Variants in HFM1 observed in about 807,000 individuals in gnomAD.
The protein encoded by HFM1 is helicase for meiosis 1, also known as probable ATP-dependent DNA helicase HFM1.
HFM1 carries 169 observed loss-of-function variants against 192.1 expected under a neutral mutation model. That is an observed-to-expected ratio of 0.88 (90% confidence interval 0.78 to 1.00). The LOEUF is 1.00. Ranked by LOEUF, HFM1 falls within the 50% of genes least tolerant of loss-of-function variation. The probability of loss-of-function intolerance (pLI) is 0.00; values close to 1 mark genes in which losing one functional copy is unlikely to be tolerated. For synonymous variants in HFM1, 525 were observed against 537.8 expected (o/e 0.98, Z 0.33); for missense variants, 1,661 against 1,668.0 (o/e 1.00, Z 0.07).
chr1:91,340,911 T>A (rs1260562285), intron 20 of HFM1, among the ~76,000 whole-genome samples: 3 of 152,244 alleles, frequency 2.0e-5, no homozygotes, highest in Non-Finnish European at 2.9e-5. Context: ...TAAATATATA[T>A]GCATCTAATA....
chr1:91,353,411 T>A, intron 13 of HFM1, 112 bp from the exon 14 acceptor site: 1 of 573,108 alleles, frequency 1.7e-6, no homozygotes, highest in East Asian at 3.0e-5. Context: ...ACAATATCAT[T>A]ATCTGAAAAC....
At chr1:91,307,397 TC>T (rs375879531) in intron 30 of HFM1, among the ~76,000 whole-genome samples, 30 of 152,302 alleles carry the variant, frequency 2.0e-4, no homozygotes, top group African/African-American at 5.8e-4. Flanking sequence ...CCCCAGCATG[TC>T]CATGTTTTCA....
At chr1:91,404,714 C>T in intron 1 of HFM1, 84 bp downstream of exon 1, 1 of 402,100 alleles carries the variant, frequency 2.5e-6, no homozygotes, top group Admixed American at 2.8e-5. Context: ...GCTGCCCGGA[C>T]GGCTCGGCTG....
At position 91,377,993 on chromosome 1, in the gene HFM1, A is replaced by C. The variant is rs766827729; in HGVS notation, c.1395+32T>G. On this transcript the variant is annotated intron_variant, in intron 11 of 38. Coordinates refer to ENST00000370425, the MANE Select transcript of HFM1 (RefSeq NM_001017975.6). ...ACTAAATATTTCACAAGTCATAAAAAACCTAAGAGCTCAGTTAAAATTGTA... is the reference window on the plus strand; with the variant it reads ...ACTAAATATTTCACAAGTCATAAAACACCTAAGAGCTCAGTTAAAATTGTA... 4 of 1,587,934 alleles carry C rather than the reference A, an allele frequency of 2.5e-6. No individual in the cohort carries two copies. In the Admixed American group the frequency reaches 7.1e-5, roughly 28 times the overall value.
At chr1:91,274,369 G>A (rs368670506) in intron 33 of HFM1, among the ~76,000 whole-genome samples, 1 of 152,018 alleles carries the variant, frequency 6.6e-6, no homozygotes, top group African/African-American at 2.4e-5. Flanking sequence ...TATTAATATG[G>A]ACTGAGCTTC....
intron 23 of HFM1, among the ~76,000 whole-genome samples, chr1:91,320,524 T>C (rs1457026458): frequency 6.6e-6 from 1 of 152,136 alleles, no homozygotes; most frequent in African/African-American, 2.4e-5. Context: ...AAATGTGGAG[T>C]AAGAAATTGC....
chr1:91,297,744 G>A (rs559275813), intron 30 of HFM1, among the ~76,000 whole-genome samples: 77 of 152,278 alleles, frequency 5.1e-4, no homozygotes, highest in Non-Finnish European at 9.3e-4. Context: ...ACTGTTAGAA[G>A]GAAAACTAAC....
At chr1:91,350,644 T>C in intron 18 of HFM1, 94 bp downstream of exon 18, 1 of 1,161,934 alleles carries the variant, frequency 8.6e-7, no homozygotes, top group Non-Finnish European at 1.2e-6. Flanking sequence ...TACCTATTAG[T>C]TTCTGTAATC....
At chr1:91,296,894 T>C (rs1647682914) in intron 30 of HFM1, among the ~76,000 whole-genome samples, 1 of 152,166 alleles carries the variant, frequency 6.6e-6, no homozygotes, top group African/African-American at 2.4e-5. Flanking sequence ...TTTCTGCATT[T>C]CTAACTGAGG....
At chr1:91,347,978 T>C in intron 18 of HFM1, among the ~76,000 whole-genome samples, 1 of 152,166 alleles carries the variant, frequency 6.6e-6, no homozygotes, top group Non-Finnish European at 1.5e-5. Flanking sequence ...ATAAACGGAA[T>C]CTTTTCAAGA....
chr1:91,287,321 G>A (rs1173221328), intron 30 of HFM1, among the ~76,000 whole-genome samples: 1 of 152,186 alleles, frequency 6.6e-6, no homozygotes, highest in African/African-American at 2.4e-5. Flanking sequence ...TCTGAGAAGG[G>A]GCAGACTGCC....
chr1:91,366,824 G>A (rs757662384), intron 13 of HFM1, among the ~76,000 whole-genome samples: 1 of 152,236 alleles, frequency 6.6e-6, no homozygotes, highest in South Asian at 2.1e-4. Flanking sequence ...CCTCACCCGG[G>A]AAATGCAAGG....
intron 2 of HFM1, among the ~76,000 whole-genome samples, chr1:91,399,841 C>A (rs929572670): frequency 6.6e-6 from 1 of 152,166 alleles, no homozygotes; most frequent in Non-Finnish European, 1.5e-5. Flanking sequence ...TTGCTTTGCA[C>A]ATATTTTTGA....
intron 13 of HFM1, among the ~76,000 whole-genome samples, chr1:91,369,228 T>A (rs1659822925): frequency 6.6e-6 from 1 of 152,104 alleles, no homozygotes; most frequent in African/African-American, 2.4e-5. Context: ...GGAACTGAAC[T>A]CAGCACTGCA....
At position 91,277,016 on chromosome 1, in the gene HFM1, A is replaced by T; in HGVS notation, c.3438T>A (p.Leu1146=). The change falls in exon 31 of 39, where the codon CTT becomes CTA. Residue 1146 remains leucine (L), a synonymous_variant. Coordinates refer to ENST00000370425, the MANE Select transcript of HFM1 (RefSeq NM_001017975.6). The part of the protein sequence containing the change: ...KKPGNRECNH[L]CKSKHTCGHD... ...GTCCACATGTATGTTTACTTTTACA[A>T]AGATGATTGCATTCTCGGTTCCCAG... 1 of 1,599,326 alleles carries T rather than the reference A, an allele frequency of 6.3e-7. No individual in the cohort carries two copies. The highest frequency in any genetic ancestry group is 1.3e-5 in the African/African-American group (1 of 74,698).
At position 91,353,137 on chromosome 1, in the gene HFM1, C is replaced by T; in HGVS notation, c.1745G>A (p.Gly582Asp). The T allele has an allele frequency of 1.2e-6, 2 of 1,609,384 alleles. No individual in the cohort carries two copies. The highest frequency in any genetic ancestry group is 1.7e-6 in the Non-Finnish European group (2 of 1,176,578). Residue 582 changes from glycine (G) to aspartate (D), a missense_variant, in exon 15 of 39, where the codon GGT becomes GAT. Coordinates refer to ENST00000370425, the MANE Select transcript of HFM1 (RefSeq NM_001017975.6). ...DSKLRDILKD[G>D]AAYHHAGMEL... ...CATACCAGCATGATGATAAGCAGCA[C>T]CATCTTTTAAGATATCTGTAATAGA...
chr1:91,402,908 G>A (rs374159667), intron 1 of HFM1, among the ~76,000 whole-genome samples: 2 of 152,044 alleles, frequency 1.3e-5, no homozygotes, highest in African/African-American at 2.4e-5. Flanking sequence ...GAAGAAAAGC[G>A]TTGCATAAAC....
At chr1:91,289,268 G>A (rs1159130335) in intron 30 of HFM1, among the ~76,000 whole-genome samples, 1 of 151,640 alleles carries the variant, frequency 6.6e-6, no homozygotes, top group East Asian at 2.0e-4. Context: ...CAGACGGGGC[G>A]GCGGGGCAGA....
intron 1 of HFM1, among the ~76,000 whole-genome samples, chr1:91,401,482 C>T (rs1664302924): frequency 6.6e-6 from 1 of 152,310 alleles, no homozygotes; most frequent in African/African-American, 2.4e-5. Context: ...TCTTCTTGGG[C>T]TCTTAATACT....
Sources: gnomAD v4.1 joint callset for allele counts (sites outside exome capture counted in the v4.1 genomes callset) on GRCh38, gnomAD v4.1.1 for gene constraint, MANE v1.5 for transcripts, NCBI Gene and HGNC (gene_info 2026-07-23, HGNC 2026-07-21) for gene names.